ZSCAN29: variants seen among roughly 807,000 people sequenced by gnomAD.
ZSCAN29 encodes zinc finger and SCAN domain-containing protein 29.
In ZSCAN29, 55 loss-of-function variants were observed where a neutral mutation model predicts 71.9. The observed-to-expected ratio is 0.76, with a 90% CI of 0.62 to 0.96. ZSCAN29 has a LOEUF of 0.96. Ranked by LOEUF, ZSCAN29 falls within the 40% of genes least tolerant of loss-of-function variation. ZSCAN29 has a pLI of 0.00. For missense variants in ZSCAN29, 1,042 were observed against 1,042.2 expected (o/e 1.00, Z 0.00); for synonymous variants, 351 against 371.6 (o/e 0.94, Z 0.64).
At chr15:43,363,828 G>C (rs2044006710) in intron 5 of ZSCAN29, 87 bp downstream of exon 5, 1 of 1,303,178 alleles carries the variant, frequency 7.7e-7, no homozygotes, top group Non-Finnish European at 1.0e-6. Flanking sequence ...GCTGGGTGTA[G>C]AGGCCAGTTC....
chr15:43,362,861 G>A (rs1566882280), intron 5 of ZSCAN29, among the ~76,000 whole-genome samples: 1 of 152,114 alleles, frequency 6.6e-6, no homozygotes, highest in Non-Finnish European at 1.5e-5. Flanking sequence ...AAAAAATGCT[G>A]ATCTTAAAGA....
intron 5 of ZSCAN29, among the ~76,000 whole-genome samples, chr15:43,363,054 T>C (rs2043998614): frequency 6.6e-6 from 1 of 152,022 alleles, no homozygotes; most frequent in Non-Finnish European, 1.5e-5. Context: ...CTCAGCTCAC[T>C]GCAACCTCTG....
chr15:43,369,484 A>G, intron 2 of ZSCAN29, 112 bp downstream of exon 2: 3 of 1,230,148 alleles, frequency 2.4e-6, no homozygotes, highest in Non-Finnish European at 3.4e-6. Context: ...CCAGACCAGA[A>G]GTATAAGCCT....
chr15:43,367,574 C>T (rs571065413), intron 3 of ZSCAN29, among the ~76,000 whole-genome samples: 6 of 152,288 alleles, frequency 3.9e-5, no homozygotes, highest in Admixed American at 1.3e-4. Context: ...CTGACAAACC[C>T]ATACGGTACT....
intron 4 of ZSCAN29, among the ~76,000 whole-genome samples, chr15:43,364,779 T>C (rs1369123766): frequency 6.6e-6 from 1 of 150,708 alleles, no homozygotes; most frequent in Non-Finnish European, 1.5e-5. Context: ...TCCCAGCTAC[T>C]TGGGAGGCTG....
chr15:43,367,425 G>A (rs895274325), intron 3 of ZSCAN29, among the ~76,000 whole-genome samples: 1 of 152,076 alleles, frequency 6.6e-6, no homozygotes, highest in African/African-American at 2.4e-5. Context: ...CTTCCCTTCA[G>A]AACACAGCAC....
intron 3 of ZSCAN29, among the ~76,000 whole-genome samples, chr15:43,368,524 T>A: frequency 1.1e-4 from 1 of 9,104 alleles, no homozygotes. Flanking sequence ...AGACTCCGTC[T>A]CAAAAAAAAA....
chr15:43,369,634 C>T lies in ZSCAN29; in HGVS notation c.280G>A (p.Glu94Lys). Reference sequence around the variant, plus strand: ...CTTCCAGGCTCTCTTTCTAAATCTTCCACGAGAGTCACTGCCTCCTCTCCA... The same window carrying T: ...CTTCCAGGCTCTCTTTCTAAATCTTTCACGAGAGTCACTGCCTCCTCTCCA... ...ENGEEAVTLV[E>K]DLEREPGRPR... The change falls in exon 2 of 6, where the codon GAA (glutamate) becomes AAA (lysine). Residue 94 changes from glutamate to lysine, a missense_variant. By Grantham distance (56) the Glu-to-Lys change is moderately conservative. Transcript: ENST00000684362. 4 of 1,614,064 alleles carry T rather than the reference C, an allele frequency of 2.5e-6. No homozygotes were observed. Among genetic ancestry groups the T allele is most frequent in the Non-Finnish European group, 3.4e-6 (4 of 1,179,954 alleles).
Position 43,366,154 on chromosome 15 carries a change from TG to T in ZSCAN29, c.1177del (p.Gln393ArgfsTer102). On this transcript the variant is annotated frameshift_variant, in exon 4 of 6. Transcript: ENST00000684362. LOFTEE classifies it high-confidence loss of function. ...SDDMDLEATP[Q>X]DPNSAAPVVF... ...AACAGGTGCAGCTGAGTTGGGGTCC[TG>T]GGGGGTCGCCTCTAGATCCATGTCA... 6.2e-7 allele frequency: 1 copy of T among 1,614,014 alleles called. No homozygotes were observed. The highest frequency in any genetic ancestry group is 1.7e-5 in the Admixed American group (1 of 60,000).
At chr15:43,369,245 G>A in intron 2 of ZSCAN29, 118 bp from the exon 3 acceptor site, 3 of 1,061,176 alleles carry the variant, frequency 2.8e-6, no homozygotes, top group Non-Finnish European at 2.6e-6. Flanking sequence ...GGTTGTAGGG[G>A]TGAGGGAGGT....
At chr15:43,369,382 GA>G (rs1444430705) in intron 2 of ZSCAN29, 14 of 595,386 alleles carry the variant, frequency 2.4e-5, no homozygotes, top group South Asian at 5.9e-5. Context: ...TCCCTATTAA[GA>G]AACTATAGGA....
At chr15:43,363,104 A>C (rs2043998994) in intron 5 of ZSCAN29, among the ~76,000 whole-genome samples, 1 of 152,062 alleles carries the variant, frequency 6.6e-6, no homozygotes. Context: ...CAGCCACCCA[A>C]GTAGCTGGGA....
intron 3 of ZSCAN29, among the ~76,000 whole-genome samples, chr15:43,367,500 C>T (rs940594571): frequency 2.0e-5 from 3 of 152,184 alleles, no homozygotes; most frequent in Non-Finnish European, 4.4e-5. Context: ...GCCCATCCTT[C>T]AAGAGGCTGT....
rs763869282 is a variant in ZSCAN29 at position 43,361,584 on chromosome 15, C to T, written c.2048G>A (p.Cys683Tyr). ...QVENPYKCAD[C>Y]GKSFSRSARL... is the part of the protein sequence containing the mutation. ...TGCACTCCGACTGAAGCTTTTCCCA[C>T]AATCAGCACATTTATATGGATTTTC... Residue 683 changes from cysteine (C) to tyrosine (Y), a missense_variant, in exon 6 of 6, where the codon TGT (cysteine) becomes TAT (tyrosine). Transcript: ENST00000684362. The T allele has an allele frequency of 1.2e-6, 2 of 1,614,124 alleles. No individual in the cohort carries two copies. Among genetic ancestry groups the T allele is most frequent in the African/African-American group, 1.3e-5 (1 of 74,946 alleles).
Position 43,369,141 on chromosome 15 carries a change from C to G in ZSCAN29, c.319-14G>C. Reference sequence around the variant, plus strand: ...AGAGACTGTGACCTAGAAACAACCCCCGTTAATTGTCACTGCAAGATCATA... The same window carrying G: ...AGAGACTGTGACCTAGAAACAACCCGCGTTAATTGTCACTGCAAGATCATA... On this transcript the variant is annotated splice_polypyrimidine_tract_variant and intron_variant, in intron 2 of 5. Coordinates refer to ENST00000684362, the MANE Select transcript of ZSCAN29 (RefSeq NM_001372080.1). 6.5e-7 allele frequency: 1 copy of G among 1,536,692 alleles called. No individual in the cohort carries two copies. Among genetic ancestry groups the G allele is most frequent in the African/African-American group, 1.4e-5 (1 of 72,644 alleles).
At position 43,361,596 on chromosome 15, in the gene ZSCAN29, T is replaced by C. The variant is rs750956069; in HGVS notation, c.2036A>G (p.Lys679Arg). Residue 679 changes from lysine (K) to arginine (R), a missense_variant, in exon 6 of 6, where the codon AAA becomes AGA. Transcript: ENST00000684362. ...GAAGCTTTTCCCACAATCAGCACAT[T>C]TATATGGATTTTCCACCTGGTGGGA... is the stretch of plus-strand genomic sequence containing the variant. ...QVSHQVENPY[K>R]CADCGKSFSR... 1 of 1,614,186 alleles carries C rather than the reference T, an allele frequency of 6.2e-7. No individual in the cohort carries two copies. The highest frequency in any genetic ancestry group is 1.7e-5 in the Admixed American group (1 of 60,022).
At position 43,368,905 on chromosome 15, in the gene ZSCAN29, T is replaced by C. The variant is rs2044065830; in HGVS notation, c.523+18A>G. ...CTTGGAATGGCAGTCTATCTTCCCA[T>C]ATGAATCTACTCCTCACCGCTCCTT... On this transcript the variant is annotated intron_variant, in intron 3 of 5. Coordinates refer to ENST00000684362, the MANE Select transcript of ZSCAN29 (RefSeq NM_001372080.1). The C allele has an allele frequency of 6.4e-7, 1 of 1,568,052 alleles. No homozygotes were observed. Among genetic ancestry groups the C allele is most frequent in the East Asian group, 2.3e-5 (1 of 43,334 alleles).
Position 43,370,001 on chromosome 15 carries a change from A to G in ZSCAN29, c.-88T>C. ...CCCATGTCCTTGGAGAATCCCCTGC[A>G]GATGACTGTAAGAGGTGTTTCTTCC... On this transcript the variant is annotated 5_prime_UTR_variant, in exon 2 of 6. Coordinates refer to ENST00000684362, the MANE Select transcript of ZSCAN29 (RefSeq NM_001372080.1). 7.5e-7 allele frequency: 1 copy of G among 1,328,752 alleles called. No homozygotes were observed. Among genetic ancestry groups the G allele is most frequent in the Non-Finnish European group, 1.0e-6 (1 of 976,296 alleles). 82.3% of individuals were successfully genotyped at this position (1,328,752 alleles called of 1,614,324 possible). A position where few individuals can be genotyped will look rare whatever the true frequency, so the allele number is the denominator to read the frequency against.
rs765734573 is a variant in ZSCAN29 at position 43,369,767 on chromosome 15, C to T, written c.147G>A (p.Pro49=). ...LWELCCRWLR[P]EVRTKEQIVE... ...CAATCTGCTCCTTGGTGCGCACCTC[C>T]GGCCTTAGCCACCGACAGCAAAGTT... The change falls in exon 2 of 6, where the codon CCG becomes CCA. Residue 49 remains proline, a synonymous_variant. Transcript: ENST00000684362. 3 of 1,614,280 alleles carry T rather than the reference C, an allele frequency of 1.9e-6. No homozygotes were observed. The highest frequency in any genetic ancestry group is 1.7e-6 in the Non-Finnish European group (2 of 1,180,060).
Sources: gnomAD v4.1 joint callset for allele counts (sites outside exome capture counted in the v4.1 genomes callset) on GRCh38, gnomAD v4.1.1 for gene constraint, MANE v1.5 for transcripts, NCBI Gene and HGNC (gene_info 2026-07-23, HGNC 2026-07-21) for gene names.